The following LMLN variants were observed in gnomAD, a reference collection of about 807,000 sequenced individuals.
LMLN encodes the protein leishmanolysin-like peptidase.
LMLN carries 70 observed loss-of-function variants against 92.3 expected under a neutral mutation model. That is an observed-to-expected ratio of 0.76 (90% CI 0.63 to 0.92). The LOEUF is 0.92. Among genes scored for constraint, LMLN ranks in the 40% least tolerant of loss-of-function variants. The pLI, the probability that LMLN is intolerant of heterozygous loss-of-function variation, is 0.00. For missense variants in LMLN, 691 were observed against 814.6 expected (o/e 0.85, Z 1.85); for synonymous variants, 308 against 296.2 (o/e 1.04, Z -0.41).
chr3:198,009,218 C>G (rs1722370476), intron 11 of LMLN, among the ~76,000 whole-genome samples: 2 of 152,196 alleles, frequency 1.3e-5, no homozygotes, highest in South Asian at 2.1e-4. Context: ...CTGTCCATTT[C>G]TGAGAAATGG....
At chr3:198,027,833 G>GT (rs1560155684) in intron 14 of LMLN, among the ~76,000 whole-genome samples, 1 of 152,074 alleles carries the variant, frequency 6.6e-6, no homozygotes, top group East Asian at 1.9e-4. Context: ...TGGCTTCCGC[G>GT]TATCTGTCTG....
chr3:198,001,660 G>A (rs960450058), intron 11 of LMLN, among the ~76,000 whole-genome samples: 3 of 152,276 alleles, frequency 2.0e-5, no homozygotes, highest in East Asian at 1.9e-4. Context: ...GGAGCACCGC[G>A]ACTCCTTCAG....
intron 8 of LMLN, among the ~76,000 whole-genome samples, chr3:197,987,707 A>G (rs1454770695): frequency 6.6e-6 from 1 of 152,222 alleles, no homozygotes; most frequent in Non-Finnish European, 1.5e-5. Flanking sequence ...GGGATTGCTG[A>G]TTTAAAATCT....
intron 14 of LMLN, among the ~76,000 whole-genome samples, chr3:198,035,236 C>T (rs1285130142): frequency 1.3e-5 from 2 of 151,750 alleles, no homozygotes; most frequent in Non-Finnish European, 2.9e-5. Context: ...TGTGTGCCCC[C>T]TTGTAATTTT....
chr3:197,997,626 T>C (rs1722064822), intron 10 of LMLN, among the ~76,000 whole-genome samples: 1 of 152,204 alleles, frequency 6.6e-6, no homozygotes, highest in African/African-American at 2.4e-5. Context: ...ATTTTTGTAT[T>C]GCTGTGTTTG....
At chr3:197,992,502 T>C (rs1247185523) in intron 9 of LMLN, among the ~76,000 whole-genome samples, 1 of 152,204 alleles carries the variant, frequency 6.6e-6, no homozygotes, top group East Asian at 1.9e-4. Flanking sequence ...GAGACTGTTA[T>C]AAACAATTAT....
intron 10 of LMLN, among the ~76,000 whole-genome samples, chr3:197,996,917 G>A (rs1287956069): frequency 1.3e-5 from 2 of 152,122 alleles, no homozygotes; most frequent in Non-Finnish European, 2.9e-5. Flanking sequence ...AAGTAGCTGG[G>A]ACCACAGGCA....
At chr3:198,024,729 G>C in exon 14 of LMLN, 1 of 1,612,456 alleles carries the variant, frequency 6.2e-7, no homozygotes, top group East Asian at 2.2e-5. Flanking sequence ...ATCAGCATTC[G>C]TTATGGAGAA....
chr3:197,972,820 C>T (rs767745900), intron 1 of LMLN, among the ~76,000 whole-genome samples: 20 of 151,948 alleles, frequency 1.3e-4, no homozygotes, highest in Non-Finnish European at 2.2e-4. Context: ...TATGTAATTT[C>T]GTTGTCAGCC....
At chr3:197,987,891 T>C (rs527297463) in intron 8 of LMLN, among the ~76,000 whole-genome samples, 1 of 151,772 alleles carries the variant, frequency 6.6e-6, no homozygotes, top group South Asian at 2.1e-4. Context: ...AGATGGTATC[T>C]CATTGTTGTA....
At chr3:198,041,199 G>A (rs1723395606) in exon 16 of LMLN, 1 of 152,128 alleles carries the variant, frequency 6.6e-6, no homozygotes, top group Non-Finnish European at 1.5e-5. Context: ...GTATTTGCAT[G>A]CAGTTTTAAA....
exon 9 of LMLN, chr3:197,990,656 C>A: frequency 6.4e-7 from 1 of 1,559,272 alleles, no homozygotes; most frequent in Non-Finnish European, 8.8e-7. Flanking sequence ...TGTGTATCTC[C>A]TGGTAACGCC....
In LMLN at chr3:198,019,025, AGGT is replaced by A. The variant is rs1722713623; in HGVS notation, c.1233-224_1233-222del. ...ACAGGAAAATAAGATTGTCTGGTGA[AGGT>A]GGTCAGTTAAACAAACTGTCAGATT... On this transcript the variant is annotated intron_variant, in intron 11 of 15. Transcript: ENST00000330198. The surrounding 1 kb of genome is among the most constrained non-coding windows in gnomAD (Gnocchi z 5.5). Among the ~76,000 whole-genome samples, 1 of 152,252 alleles carries A rather than the reference AGGT, an allele frequency of 6.6e-6. No individual in the cohort carries two copies. The highest frequency in any genetic ancestry group is 1.5e-5 in the Non-Finnish European group (1 of 68,050).
At position 197,991,661 on chromosome 3, in the gene LMLN, A is replaced by G. The variant is rs1176513500; in HGVS notation, c.1047+985A>G. 2.0e-5 allele frequency among the ~76,000 whole-genome samples: 3 copies of G among 152,144 alleles called. No individual in the cohort carries two copies. The East Asian group carries it at 5.8e-4, about 29-fold the overall frequency. On this transcript the variant is annotated intron_variant, in intron 9 of 15. Transcript: ENST00000330198. Reference sequence around the variant, plus strand: ...ATTGCAATGTTACTCTCATTCCAGAAAACACCTTCACAGAAACATCCAGAA... The same window carrying G: ...ATTGCAATGTTACTCTCATTCCAGAGAACACCTTCACAGAAACATCCAGAA...
intron 2 of LMLN, among the ~76,000 whole-genome samples, chr3:197,974,783 G>C (rs574508801): frequency 6.6e-6 from 1 of 152,364 alleles, no homozygotes; most frequent in Admixed American, 6.5e-5. Context: ...TCTTCAATAA[G>C]TACTAGTGTT....
At chr3:197,963,086 A>G (rs1466381689) in intron 1 of LMLN, among the ~76,000 whole-genome samples, 1 of 152,198 alleles carries the variant, frequency 6.6e-6, no homozygotes, top group African/African-American at 2.4e-5. Flanking sequence ...AACAGTATCA[A>G]GTCTTTCAAT....
At chr3:198,038,760 T>G in exon 16 of LMLN, 1 of 928,002 alleles carries the variant, frequency 1.1e-6, no homozygotes, top group Non-Finnish European at 1.8e-6. Context: ...ATGCAGATGG[T>G]AGAAGTGGCA....
intron 9 of LMLN, among the ~76,000 whole-genome samples, chr3:197,994,204 T>C (rs1721956992): frequency 6.6e-6 from 1 of 152,134 alleles, no homozygotes; most frequent in Non-Finnish European, 1.5e-5. Context: ...GACATTGGTT[T>C]GGGCAATGAG....
At chr3:198,015,258 ACTAGT>A (rs1198120354) in intron 11 of LMLN, among the ~76,000 whole-genome samples, 20 of 118,558 alleles carry the variant, frequency 1.7e-4, no homozygotes, top group African/African-American at 6.7e-4. Flanking sequence ...GAGCCCCCTA[ACTAGT>A]CTGACTTCTC....
Sources: gnomAD v4.1 joint callset for allele counts (sites outside exome capture counted in the v4.1 genomes callset) on GRCh38, gnomAD v4.1.1 for gene constraint, Gnocchi (gnomAD v3.1) non-coding constraint, MANE v1.5 for transcripts, NCBI Gene and HGNC (gene_info 2026-07-23, HGNC 2026-07-21) for gene names.